Variants in TPD52L2 observed in about 807,000 individuals in gnomAD.
The protein encoded by TPD52L2 is TPD52 like 2, also known as tumor protein D54.
In TPD52L2, 19 loss-of-function variants were observed where a neutral mutation model predicts 24.7. The ratio of observed to expected loss-of-function variants is 0.77; its 90% CI spans 0.54 to 1.13. TPD52L2 has a LOEUF of 1.13. Among genes scored for constraint, TPD52L2 ranks in the 50% most tolerant of loss-of-function variants. The probability of loss-of-function intolerance (pLI) is 0.00; values close to 1 mark genes in which losing one functional copy is unlikely to be tolerated. For synonymous variants in TPD52L2, 104 were observed against 100.2 expected (o/e 1.04, Z -0.23); for missense variants, 236 against 250.4 (o/e 0.94, Z 0.39).
At chr20:63,886,563 G>GTTTTTAGCCGGGA (rs1555875339) in intron 5 of TPD52L2, among the ~76,000 whole-genome samples, 1 of 151,564 alleles carries the variant, frequency 6.6e-6, no homozygotes, top group African/African-American at 2.4e-5. Flanking sequence ...GGGTTTCACC[G>GTTTTTAGCCGGGA]TGGTCTCGAT....
At chr20:63,870,520 G>GTTTTTTTT (rs959786861) in intron 2 of TPD52L2, among the ~76,000 whole-genome samples, 19 of 94,520 alleles carry the variant, frequency 2.0e-4, no homozygotes, top group African/African-American at 2.2e-4. Flanking sequence ...ATAAGGTGAA[G>GTTTTTTTT]TTTTTTTTTT....
intron 5 of TPD52L2, chr20:63,886,180 G>C (rs2053088827): frequency 1.2e-6 from 1 of 854,214 alleles, no homozygotes; most frequent in African/African-American, 1.7e-5. Context: ...AGCAGTGCCA[G>C]CCAGGTGGTT....
rs143455729 is a variant in TPD52L2 at position 63,885,160 on chromosome 20, G to A, written c.476+2340G>A. Among the ~76,000 whole-genome samples the A allele has an allele frequency of 1.0e-3, 159 of 152,348 alleles. 2 individuals are homozygous for A. In the East Asian group the frequency reaches 0.022, roughly 21 times the overall value. ...CTAACTCTTGGGCGGAAGCCCCTCT[G>A]GACAGCTGCCCAACGCCCGTGTCCA... On this transcript the variant is annotated intron_variant, in intron 5 of 6. Coordinates refer to ENST00000346249, the MANE Select transcript of TPD52L2 (RefSeq NM_003288.4).
intron 2 of TPD52L2, among the ~76,000 whole-genome samples, chr20:63,870,527 T>G (rs943460363): frequency 3.7e-5 from 5 of 136,158 alleles, no homozygotes; most frequent in South Asian, 2.5e-4. Context: ...GAAGTTTTTT[T>G]TTTTTTTTTT....
At chr20:63,879,523 G>C (rs960310050) in intron 4 of TPD52L2, among the ~76,000 whole-genome samples, 3 of 152,196 alleles carry the variant, frequency 2.0e-5, no homozygotes, top group Non-Finnish European at 4.4e-5. Context: ...TCATTCTGAA[G>C]GCCGGGCACA....
intron 2 of TPD52L2, among the ~76,000 whole-genome samples, chr20:63,871,580 C>T (rs1443808685): frequency 6.6e-6 from 1 of 150,744 alleles, no homozygotes; most frequent in African/African-American, 2.4e-5. Flanking sequence ...GAACTCCAGA[C>T]CTCAGGTAAT....
chr20:63,875,176 T>C (rs2052625362), intron 3 of TPD52L2, among the ~76,000 whole-genome samples: 3 of 149,974 alleles, frequency 2.0e-5, no homozygotes, highest in African/African-American at 4.9e-5. Context: ...TATATTTATA[T>C]ATAGGACCAT....
At chr20:63,886,092 G>A in intron 5 of TPD52L2, 1 of 1,597,082 alleles carries the variant, frequency 6.3e-7, no homozygotes, top group South Asian at 1.1e-5. Context: ...CTGAATTGGG[G>A]CAGGGTGGAC....
intron 2 of TPD52L2, 34 bp downstream of exon 2, chr20:63,869,475 T>C (rs2052382497): frequency 6.2e-7 from 1 of 1,610,618 alleles, no homozygotes; most frequent in African/African-American, 1.3e-5. Context: ...CTGGGGTGAA[T>C]TGGAGTTAAG....
intron 4 of TPD52L2, 109 bp downstream of exon 4, chr20:63,875,984 C>G (rs745614001): frequency 1.1e-5 from 13 of 1,144,560 alleles, no homozygotes; most frequent in Non-Finnish European, 1.5e-5. Context: ...TTGGTATTTG[C>G]TGGCTATTTT....
intron 4 of TPD52L2, among the ~76,000 whole-genome samples, chr20:63,882,227 G>C (rs746736604): frequency 6.6e-6 from 1 of 152,252 alleles, no homozygotes; most frequent in Non-Finnish European, 1.5e-5. Flanking sequence ...GTCTCATTTG[G>C]GAAGAGGAAA....
At chr20:63,878,283 G>T (rs1286462156) in intron 4 of TPD52L2, among the ~76,000 whole-genome samples, 1 of 152,256 alleles carries the variant, frequency 6.6e-6, no homozygotes, top group African/African-American at 2.4e-5. Context: ...CTGCAATGCG[G>T]CCACATTCTC....
chr20:63,867,099 G>A (rs1297240198), intron 1 of TPD52L2, among the ~76,000 whole-genome samples: 2 of 151,966 alleles, frequency 1.3e-5, no homozygotes, highest in Admixed American at 6.6e-5. Context: ...CATTACAGGC[G>A]TGCGCCACCA....
intron 2 of TPD52L2, among the ~76,000 whole-genome samples, chr20:63,870,396 A>G (rs1210750182): frequency 1.3e-5 from 2 of 152,164 alleles, no homozygotes; most frequent in African/African-American, 4.8e-5. Context: ...TTTCTAGCCT[A>G]GAAGATTAAA....
chr20:63,876,535 C>T (rs2052683582), intron 4 of TPD52L2: 2 of 351,832 alleles, frequency 5.7e-6, no homozygotes, highest in Admixed American at 3.9e-5. Flanking sequence ...GTGCTCTGAT[C>T]TGATTATAAC....
chr20:63,883,457 TATG>T (rs1316900679), intron 5 of TPD52L2, among the ~76,000 whole-genome samples: 1 of 152,158 alleles, frequency 6.6e-6, no homozygotes, highest in Non-Finnish European at 1.5e-5. Flanking sequence ...GAAGCCTGGG[TATG>T]ATGCTTGGCT....
At chr20:63,882,619 C>A in intron 4 of TPD52L2, 100 bp from the exon 5 acceptor site, 1 of 944,566 alleles carries the variant, frequency 1.1e-6, no homozygotes. Flanking sequence ...CAGCTCCTTT[C>A]CTCAGTTTTC....
intron 1 of TPD52L2, 106 bp downstream of exon 1, chr20:63,865,490 C>A (rs4809374): frequency 0.11 from 160,480 of 1,408,026 alleles, 11,425 homozygotes; most frequent in East Asian, 0.38. Flanking sequence ...GGTCTCGGTT[C>A]ACCCACCCCG....
In TPD52L2 at chr20:63,883,828, G is replaced by GCCTGCCTC. The variant is rs1600828375; in HGVS notation, c.476+1015_476+1016insCCCTGCCT. Among the ~76,000 whole-genome samples, 13 of 80,712 alleles carry GCCTGCCTC rather than the reference G, an allele frequency of 1.6e-4. No individual in the cohort carries two copies. In the South Asian group the frequency reaches 4.5e-3, roughly 28 times the overall value. The allele number at this position is 80,712 out of a possible 152,430, so 53.0% of individuals were successfully genotyped here. A position where few individuals can be genotyped will look rare whatever the true frequency, so the allele number is the denominator to read the frequency against. ...ACATCTCCTGCTGGGCTGCCTGCCT[G>GCCTGCCTC]CCTGCCTGCCTGCCTCCCTGCCTGC... On this transcript the variant is annotated intron_variant, in intron 5 of 6. Transcript: ENST00000346249.
Sources: gnomAD v4.1 joint callset for allele counts (sites outside exome capture counted in the v4.1 genomes callset) on GRCh38, gnomAD v4.1.1 for gene constraint, MANE v1.5 for transcripts, NCBI Gene and HGNC (gene_info 2026-07-23, HGNC 2026-07-21) for gene names.